The following HAUS3 variants were observed in gnomAD, a reference collection of about 807,000 sequenced individuals.
HAUS3 encodes HAUS augmin-like complex subunit 3.
In HAUS3, 36 loss-of-function variants were observed where a neutral mutation model predicts 55.2. The observed-to-expected ratio is 0.65, with a 90% CI of 0.50 to 0.86. HAUS3 has a LOEUF of 0.86. Ranked by LOEUF, HAUS3 falls within the 40% of genes least tolerant of loss-of-function variation. HAUS3 has a pLI of 0.00. For missense variants in HAUS3, 752 were observed against 671.5 expected, an observed-to-expected ratio of 1.12 and a Z score of -1.33; for synonymous variants, 234 against 238.6, an observed-to-expected ratio of 0.98 and a Z score of 0.18.
Position 2,229,048 on chromosome 4 carries a change from A to G in HAUS3, c.*2879T>C. The G allele has an allele frequency of 6.6e-7, 1 of 1,511,958 alleles. No individual in the cohort carries two copies. Among genetic ancestry groups the G allele is most frequent in the South Asian group, 1.2e-5 (1 of 82,374 alleles). 93.7% of individuals were successfully genotyped at this position (1,511,958 alleles called of 1,614,324 possible). ...ATTTTCAATTCTTAGTCTTTAGAAC[A>G]ATTAACATTCAAAGTATCAAGAGAA... On this transcript the variant is annotated 3_prime_UTR_variant, in exon 6 of 6. Coordinates refer to ENST00000443786, the MANE Select transcript of HAUS3 (RefSeq NM_001303143.2).
chr4:2,241,823 G>T (rs1391116697), intron 1 of HAUS3, 33 bp from the exon 2 acceptor site: 1 of 985,310 alleles, frequency 1.0e-6, no homozygotes, highest in African/African-American at 1.7e-5. Flanking sequence ...CCACCGAATC[G>T]CCGTCGACAC....
intron 3 of HAUS3, 39 bp downstream of exon 3, chr4:2,239,996 CAAT>C: frequency 6.8e-7 from 1 of 1,475,738 alleles, no homozygotes; most frequent in African/African-American, 1.4e-5. Flanking sequence ...CTATTCCTAA[CAAT>C]AATTACAATG....
Position 2,239,008 on chromosome 4 carries a change from A to G in HAUS3, c.945T>C (p.Ser315=). Residue 315 remains serine (S), a synonymous_variant, in exon 4 of 6, where the codon TCT becomes TCC. Transcript: ENST00000443786. ...VDKENLDAKI[S]SLTSEIMKLE... is the part of the protein sequence containing the mutation. ...GTTTCATAATCTCACTGGTCAAGCTAGAAATTTTAGCATCCAAATTTTCTT... is the reference window on the plus strand; with the variant it reads ...GTTTCATAATCTCACTGGTCAAGCTGGAAATTTTAGCATCCAAATTTTCTT... 6.5e-7 allele frequency: 1 copy of G among 1,544,588 alleles called. No homozygotes were observed. Among genetic ancestry groups the G allele is most frequent in the Non-Finnish European group, 8.7e-7 (1 of 1,151,634 alleles).
chr4:2,239,296 T>C (rs1734885635), intron 3 of HAUS3, among the ~76,000 whole-genome samples: 1 of 152,244 alleles, frequency 6.6e-6, no homozygotes. Flanking sequence ...GATCTTATTA[T>C]ACTTCTTTTA....
intron 3 of HAUS3, 55 bp downstream of exon 3, chr4:2,239,983 C>T (rs1734911654): frequency 3.7e-6 from 5 of 1,350,104 alleles, no homozygotes; most frequent in Non-Finnish European, 5.3e-6. Flanking sequence ...AATATTATCT[C>T]CTCTATTCCT....
Position 2,240,503 on chromosome 4 carries a change from C to G in HAUS3, c.444G>C (p.Leu148=). 6.2e-7 allele frequency: 1 copy of G among 1,613,934 alleles called. No individual in the cohort carries two copies. The highest frequency in any genetic ancestry group is 1.1e-5 in the South Asian group (1 of 91,036). The change falls in exon 3 of 6, where the codon CTG becomes CTC. Residue 148 remains leucine, a synonymous_variant. Coordinates refer to ENST00000443786, the MANE Select transcript of HAUS3 (RefSeq NM_001303143.2). ...NAKEEEATKK[L]KQSQGILNAM... ...CATTTAGAATTCCTTGACTCTGCTT[C>G]AGCTTTTTAGTGGCTTCTTCTTCTT...
intron 5 of HAUS3, among the ~76,000 whole-genome samples, chr4:2,233,453 T>G (rs1734654576): frequency 6.6e-6 from 1 of 152,166 alleles, no homozygotes; most frequent in Non-Finnish European, 1.5e-5. Context: ...TTTTCACATT[T>G]TAACATATCT....
In HAUS3 at chr4:2,238,625, G is replaced by C. The variant is rs142677375; in HGVS notation, c.1328C>G (p.Thr443Ser). 1.9e-6 allele frequency: 3 copies of C among 1,601,738 alleles called. No individual in the cohort carries two copies. The highest frequency in any genetic ancestry group is 1.7e-5 in the Admixed American group (1 of 59,500). ...QQINPRNTID[T>S]KDYSTHRLYQ... is the part of the protein sequence containing the mutation. ...GTACCTATGAGTAGAATAATCCTTA[G>C]TATCAATGGTATTCCTTGGATTTAT... The change falls in exon 4 of 6, where the codon ACT becomes AGT. Residue 443 changes from threonine to serine, a missense_variant. Thr to Ser is a moderately conservative substitution (Grantham distance 58). Coordinates refer to ENST00000443786, the MANE Select transcript of HAUS3 (RefSeq NM_001303143.2).
Position 2,240,741 on chromosome 4 carries a change from T to C in HAUS3, c.206A>G (p.Lys69Arg). 1 of 1,614,046 alleles carries C rather than the reference T, an allele frequency of 6.2e-7. No homozygotes were observed. Among genetic ancestry groups the C allele is most frequent in the Non-Finnish European group, 8.5e-7 (1 of 1,179,998 alleles). The change falls in exon 3 of 6, where the codon AAG becomes AGG. Residue 69 changes from lysine (K) to arginine (R), a missense_variant. Physicochemically the swap from Lys to Arg is conservative, Grantham distance 26. Transcript: ENST00000443786. The stretch of plus-strand genomic sequence containing the variant: ...CAATGCCGCCCCTTCTAGAATAGGC[T>C]TGCCTGATTTCTGAAGAATGCTAAA... ...EAFSILQKSG[K>R]PILEGAALDE...
intron 5 of HAUS3, among the ~76,000 whole-genome samples, chr4:2,235,948 TAC>T (rs961996362): frequency 2.0e-5 from 3 of 152,108 alleles, no homozygotes; most frequent in Admixed American, 6.6e-5. Flanking sequence ...GAAAAAAAAA[TAC>T]AGAGGCGGTT....
chr4:2,231,017 T>C lies in HAUS3; in HGVS notation c.*910A>G, dbSNP rs1359973558. 1.3e-5 allele frequency: 2 copies of C among 152,248 alleles called. No homozygotes were observed. Among genetic ancestry groups the C allele is most frequent in the African/African-American group, 2.4e-5 (1 of 41,466 alleles). 9.4% of individuals were successfully genotyped at this position (152,248 alleles called of 1,614,324 possible). A position where few individuals can be genotyped will look rare whatever the true frequency, so the allele number is the denominator to read the frequency against. Reference sequence around the variant, plus strand: ...AATTTCATTTGAAAGTCATTTATGATGTGTAAGTCACATTAAAGTCAAAGC... The same window carrying C: ...AATTTCATTTGAAAGTCATTTATGACGTGTAAGTCACATTAAAGTCAAAGC... On this transcript the variant is annotated 3_prime_UTR_variant, in exon 6 of 6. Coordinates refer to ENST00000443786, the MANE Select transcript of HAUS3 (RefSeq NM_001303143.2).
intron 5 of HAUS3, among the ~76,000 whole-genome samples, chr4:2,235,412 T>C (rs1734725673): frequency 6.6e-6 from 1 of 152,222 alleles, no homozygotes; most frequent in Non-Finnish European, 1.5e-5. Flanking sequence ...ACTGGAATTG[T>C]GCAGCTGTGA....
Position 2,228,813 on chromosome 4 carries a change from G to T in HAUS3, c.*3114C>A, listed in dbSNP as rs1734475722. On this transcript the variant is annotated 3_prime_UTR_variant, in exon 6 of 6. Coordinates refer to ENST00000443786, the MANE Select transcript of HAUS3 (RefSeq NM_001303143.2). ...ACAGGTTTGATGACCTGAGAACCAA[G>T]ATTAAAGCATCTCTTTTGAAAATAC... is the stretch of plus-strand genomic sequence containing the variant. The T allele has an allele frequency of 3.4e-6, 1 of 289,960 alleles. No individual in the cohort carries two copies. Among genetic ancestry groups the T allele is most frequent in the African/African-American group, 2.2e-5 (1 of 45,286 alleles). 18.0% of individuals were successfully genotyped at this position (289,960 alleles called of 1,614,324 possible).
rs759132380 is a variant in HAUS3 at position 2,240,797 on chromosome 4, C to T, written c.150G>A (p.Gln50=). The change falls in exon 3 of 6, where the codon CAG becomes CAA. Residue 50 remains glutamine, a synonymous_variant. Transcript: ENST00000443786. Reference sequence around the variant, plus strand: ...CCAATTCTCTTTCAGACAACACGTTCTGTTCATTCACATTCCCACAAAACC... The same window carrying T: ...CCAATTCTCTTTCAGACAACACGTTTTGTTCATTCACATTCCCACAAAACC... ...LKWFCGNVNE[Q]NVLSERELEA... 6.2e-7 allele frequency: 1 copy of T among 1,613,958 alleles called. No homozygotes were observed. Among genetic ancestry groups the T allele is most frequent in the South Asian group, 1.1e-5 (1 of 91,054 alleles).
rs763134137 is a variant in HAUS3 at position 2,240,375 on chromosome 4, G to A, written c.572C>T (p.Pro191Leu). 1.8e-5 allele frequency: 29 copies of A among 1,606,352 alleles called. No individual in the cohort carries two copies. Among genetic ancestry groups the A allele is most frequent in the Non-Finnish European group, 2.5e-5 (29 of 1,175,340 alleles). Residue 191 changes from proline (P) to leucine (L), a missense_variant, in exon 3 of 6, where the codon CCA becomes CTA. Transcript: ENST00000443786. ...GGAAAATTGCGATAAAAATACCAGTGGATTTGTCCCTTGACCTAAATTAGA... is the reference window on the plus strand; with the variant it reads ...GGAAAATTGCGATAAAAATACCAGTAGATTTGTCCCTTGACCTAAATTAGA... ...RHSNLGQGTN[P>L]LVFLSQFSLE...
intron 5 of HAUS3, among the ~76,000 whole-genome samples, chr4:2,233,039 C>T (rs1315503815): frequency 3.3e-5 from 5 of 152,094 alleles, no homozygotes; most frequent in African/African-American, 4.8e-5. Flanking sequence ...CGTTTTGATA[C>T]GCTCCCTGAT....
At chr4:2,236,494 C>G (rs778560580) in intron 4 of HAUS3, 38 bp from the exon 5 acceptor site, 10 of 1,399,786 alleles carry the variant, frequency 7.1e-6, no homozygotes, top group Non-Finnish European at 6.0e-6. Flanking sequence ...GAAAAATTAT[C>G]AAGTCAGTAT....
At position 2,232,014 on chromosome 4, in the gene HAUS3, A is replaced by T; in HGVS notation, c.1725T>A (p.Tyr575Ter). Residue 575 changes from tyrosine (Y) to a stop codon, truncating the protein, a stop_gained, in exon 6 of 6, where the codon TAT becomes TAA. Transcript: ENST00000443786. LOFTEE classifies it high-confidence loss of function. The part of the protein sequence containing the change: ...LHQMEREFYV[Y>*]FLKDEDYLKD... ...TCAGATAATCTTCATCTTTTAAAAA[A>T]TATACATAGAATTCTCTTTCCATTT... is the stretch of plus-strand genomic sequence containing the variant. 1 of 1,506,808 alleles carries T rather than the reference A, an allele frequency of 6.6e-7. No homozygotes were observed. Among genetic ancestry groups the T allele is most frequent in the Non-Finnish European group, 9.2e-7 (1 of 1,089,644 alleles). The allele number at this position is 1,506,808 out of a possible 1,614,324, so 93.3% of individuals were successfully genotyped here.
chr4:2,236,330 A>G lies in HAUS3; in HGVS notation c.1476T>C (p.Ser492=). The G allele has an allele frequency of 1.9e-6, 3 of 1,613,312 alleles. No homozygotes were observed. The highest frequency in any genetic ancestry group is 2.5e-6 in the Non-Finnish European group (3 of 1,179,298). ...ACAGAAAGAAAGAATGTTCTTGAGC[A>G]GATACTGCCAACTGATCTTGTACTA... ...ISLVQDQLAV[S]AQEHSFFLSK... The change falls in exon 5 of 6, where the codon TCT becomes TCC. Residue 492 remains serine, a synonymous_variant. Coordinates refer to ENST00000443786, the MANE Select transcript of HAUS3 (RefSeq NM_001303143.2).
Sources: gnomAD v4.1 joint callset for allele counts (sites outside exome capture counted in the v4.1 genomes callset) on GRCh38, gnomAD v4.1.1 for gene constraint, MANE v1.5 for transcripts, NCBI Gene and HGNC (gene_info 2026-07-23, HGNC 2026-07-21) for gene names.